The following SLC2A14 variants were observed in gnomAD, a reference collection of about 807,000 sequenced individuals.
SLC2A14 encodes solute carrier family 2, facilitated glucose transporter member 14.
Under a neutral mutation model 43.0 loss-of-function variants are expected in SLC2A14, and 13 were observed. The ratio of observed to expected loss-of-function variants is 0.30; its 90% CI spans 0.20 to 0.48. SLC2A14 has a LOEUF of 0.48. SLC2A14 is among the 20% of genes least tolerant of loss of function. The probability of loss-of-function intolerance (pLI) is 0.99; values close to 1 mark genes in which losing one functional copy is unlikely to be tolerated. For missense variants in SLC2A14, 428 were observed against 620.4 expected, an observed-to-expected ratio of 0.69 and a Z score of 3.29; for synonymous variants, 190 against 233.8, an observed-to-expected ratio of 0.81 and a Z score of 1.71.
chr12:7,874,826 ATT>A (rs1945402116), upstream of SLC2A14, among the ~76,000 whole-genome samples: 1 of 84,940 alleles, frequency 1.2e-5, no homozygotes, highest in Non-Finnish European at 2.6e-5. Flanking sequence ...TTATATATAA[ATT>A]ATATATAAAT....
intron 1 of SLC2A14, 109 bp from the exon 2 acceptor site, chr12:7,870,046 C>T: frequency 1.8e-6 from 1 of 549,696 alleles, no homozygotes; most frequent in Non-Finnish European, 3.1e-6. Context: ...ATAAATACTT[C>T]TGGAAGAAAA....
At chr12:7,881,305 G>A (rs1945566165) in intron 1 of SLC2A14, among the ~76,000 whole-genome samples, 2 of 152,040 alleles carry the variant, frequency 1.3e-5, no homozygotes, top group African/African-American at 4.8e-5. Flanking sequence ...GAACCCGGCT[G>A]CGCGCGGTGC....
chr12:7,831,907 C>A, intron 3 of SLC2A14, 143 bp from the exon 4 acceptor site: 3 of 945,970 alleles, frequency 3.2e-6, no homozygotes, highest in Non-Finnish European at 4.7e-6. Context: ...TCAGGAGTTG[C>A]AGACCAACCT....
chr12:7,814,309 G>A lies in SLC2A14; in HGVS notation c.*7C>T. On this transcript the variant is annotated 3_prime_UTR_variant, in exon 11 of 11. Transcript: ENST00000431042. Reference sequence around the variant, plus strand: ...CATGCCGGGAGGGAGGTGGAAGGAGGCATGACTTAGACATTGGTGGTGGTC... The same window carrying A: ...CATGCCGGGAGGGAGGTGGAAGGAGACATGACTTAGACATTGGTGGTGGTC... 6.3e-7 allele frequency: 1 copy of A among 1,584,578 alleles called. No homozygotes were observed. The highest frequency in any genetic ancestry group is 8.6e-7 in the Non-Finnish European group (1 of 1,164,226).
upstream of SLC2A14, among the ~76,000 whole-genome samples, chr12:7,874,143 G>A (rs1252681025): frequency 6.6e-6 from 1 of 152,038 alleles, no homozygotes; most frequent in Admixed American, 6.6e-5. Flanking sequence ...GGGGTGTGGA[G>A]AAAAAAGGAA....
chr12:7,844,058 T>C (rs1866242858), intron 2 of SLC2A14, among the ~76,000 whole-genome samples: 3 of 152,168 alleles, frequency 2.0e-5, no homozygotes, highest in African/African-American at 7.2e-5. Flanking sequence ...TGAATATTTA[T>C]ATCTGTATTC....
chr12:7,868,479 C>T (rs958119847), intron 2 of SLC2A14, among the ~76,000 whole-genome samples: 3 of 152,244 alleles, frequency 2.0e-5, no homozygotes, highest in Non-Finnish European at 1.5e-5. Context: ...AAATCCTCCC[C>T]GTCCATTCCA....
intron 2 of SLC2A14, among the ~76,000 whole-genome samples, chr12:7,847,014 A>G (rs1372473229): frequency 6.6e-6 from 1 of 151,256 alleles, no homozygotes; most frequent in Non-Finnish European, 1.5e-5. Flanking sequence ...GCACTTTGGG[A>G]GGCCGAGGTG....
At chr12:7,874,748 TAA>T (rs1360853395), upstream of SLC2A14, among the ~76,000 whole-genome samples, 1 of 99,368 alleles carries the variant, frequency 1.0e-5, no homozygotes, top group Non-Finnish European at 2.0e-5. Context: ...AAAATATATA[TAA>T]ATATTTATAT....
intron 2 of SLC2A14, among the ~76,000 whole-genome samples, chr12:7,864,542 G>A (rs1944803992): frequency 6.6e-6 from 1 of 152,078 alleles, no homozygotes; most frequent in Non-Finnish European, 1.5e-5. Flanking sequence ...GTTTCACCAT[G>A]TTAGCCAGGA....
chr12:7,867,088 G>A (rs1944953077), intron 2 of SLC2A14, among the ~76,000 whole-genome samples: 1 of 151,756 alleles, frequency 6.6e-6, no homozygotes, highest in South Asian at 2.1e-4. Context: ...GACCATCCTG[G>A]CTAACACGGT....
chr12:7,838,767 A>T (rs1489723223), intron 2 of SLC2A14, among the ~76,000 whole-genome samples: 3 of 152,224 alleles, frequency 2.0e-5, no homozygotes, highest in African/African-American at 2.4e-5. Context: ...GTTATGGACT[A>T]AATTGTGTCC....
chr12:7,845,778 CAAA>C (rs35933580), intron 2 of SLC2A14, among the ~76,000 whole-genome samples: 2 of 104,134 alleles, frequency 1.9e-5, no homozygotes, highest in Admixed American at 1.1e-4. Context: ...GACTCCATCT[CAAA>C]AAAAAAAAAA....
chr12:7,849,290 T>TCC, intron 2 of SLC2A14, among the ~76,000 whole-genome samples: 1 of 151,286 alleles, frequency 6.6e-6, no homozygotes, highest in South Asian at 2.1e-4. Context: ...ATTGCTTGAG[T>TCC]CCAGGAGTTC....
chr12:7,871,897 G>A (rs1945255546), intron 1 of SLC2A14: 1 of 984,794 alleles, frequency 1.0e-6, no homozygotes, highest in South Asian at 4.7e-5. Flanking sequence ...CATCGTGGGA[G>A]TGTGCTCAAG....
chr12:7,879,179 G>A (rs189069103), intron 1 of SLC2A14, among the ~76,000 whole-genome samples: 69 of 151,198 alleles, frequency 4.6e-4, no homozygotes, highest in African/African-American at 1.6e-3. Context: ...ACCACATTCC[G>A]GGCCTTAGCT....
intron 1 of SLC2A14, among the ~76,000 whole-genome samples, chr12:7,878,997 A>C (rs1018020774): frequency 1.9e-4 from 25 of 131,038 alleles, no homozygotes; most frequent in Non-Finnish European, 3.0e-4. Context: ...AAAAAAAAAA[A>C]AAAAAAAACA....
At chr12:7,870,920 G>A in intron 1 of SLC2A14, 1 of 1,412,922 alleles carries the variant, frequency 7.1e-7, no homozygotes, top group Non-Finnish European at 9.5e-7. Flanking sequence ...CACATCCAAT[G>A]TCTTCGTGAT....
intron 2 of SLC2A14, among the ~76,000 whole-genome samples, chr12:7,865,928 T>G (rs1944879546): frequency 6.6e-6 from 1 of 152,026 alleles, no homozygotes; most frequent in African/African-American, 2.4e-5. Flanking sequence ...ACTGAAAGTG[T>G]GACAGGGGCC....
Sources: gnomAD v4.1 joint callset for allele counts (sites outside exome capture counted in the v4.1 genomes callset) on GRCh38, gnomAD v4.1.1 for gene constraint, MANE v1.5 for transcripts, NCBI Gene and HGNC (gene_info 2026-07-23, HGNC 2026-07-21) for gene names.